RSU1: variants seen among roughly 807,000 people sequenced by gnomAD.
RSU1 encodes Ras suppressor protein 1.
Under a neutral mutation model 31.1 loss-of-function variants are expected in RSU1, and 26 were observed. The ratio of observed to expected loss-of-function variants is 0.84; its 90% CI spans 0.61 to 1.16. The LOEUF is 1.16. Among genes scored for constraint, RSU1 ranks in the 50% most tolerant of loss-of-function variants. The pLI, the probability that RSU1 is intolerant of heterozygous loss-of-function variation, is 0.00. For synonymous variants in RSU1, 164 were observed against 136.3 expected (o/e 1.20, Z -1.41); for missense variants, 320 against 339.1 (o/e 0.94, Z 0.44).
At chr10:16,808,982 G>A (rs1009861235) in intron 2 of RSU1, among the ~76,000 whole-genome samples, 1 of 152,180 alleles carries the variant, frequency 6.6e-6, no homozygotes, top group Non-Finnish European at 1.5e-5. Flanking sequence ...CAGCCCTGCT[G>A]ACACTATGAT....
intron 7 of RSU1, among the ~76,000 whole-genome samples, chr10:16,696,230 A>G (rs939882405): frequency 1.3e-5 from 2 of 152,182 alleles, no homozygotes; most frequent in African/African-American, 4.8e-5. Flanking sequence ...CTAAGACACA[A>G]CCGAAGTTAC....
intron 8 of RSU1, among the ~76,000 whole-genome samples, chr10:16,611,817 G>A (rs748192849): frequency 2.6e-5 from 4 of 152,180 alleles, no homozygotes; most frequent in South Asian, 4.1e-4. Flanking sequence ...TCCAGAGAGC[G>A]AGAGAGAGTG....
intron 3 of RSU1, among the ~76,000 whole-genome samples, chr10:16,780,611 G>T (rs372475041): frequency 1.8e-4 from 27 of 152,144 alleles, no homozygotes; most frequent in African/African-American, 6.5e-4. Context: ...TTGTAACAAT[G>T]GTAAGCTTAG....
Position 16,755,422 on chromosome 10 carries a change from CT to C in RSU1, c.282-434del, listed in dbSNP as rs113316063. On this transcript the variant is annotated intron_variant, in intron 4 of 8. Transcript: ENST00000345264. ...ACAGGCGTGAGCCCCCATGCCCATC[CT>C]TTTTTTTTTTTAATTAAAAAAAGCA... 7.3e-3 allele frequency among the ~76,000 whole-genome samples: 1,052 copies of C among 144,772 alleles called. 6 individuals are homozygous for C. Among genetic ancestry groups the C allele is most frequent in the East Asian group, 0.018 (90 of 5,014 alleles). 95.0% of individuals were successfully genotyped at this position (144,772 alleles called of 152,430 possible). A position where few individuals can be genotyped will look rare whatever the true frequency, so the allele number is the denominator to read the frequency against.
intron 7 of RSU1, among the ~76,000 whole-genome samples, chr10:16,737,365 G>A (rs1476225500): frequency 1.3e-5 from 2 of 151,286 alleles, no homozygotes; most frequent in African/African-American, 4.9e-5. Context: ...ATTTTAAGAG[G>A]CCACAGAAAA....
At chr10:16,641,284 T>C (rs1264370089) in intron 8 of RSU1, among the ~76,000 whole-genome samples, 1 of 152,054 alleles carries the variant, frequency 6.6e-6, no homozygotes, top group African/African-American at 2.4e-5. Flanking sequence ...TTGAAGACTT[T>C]AAAAAGTTTC....
intron 8 of RSU1, among the ~76,000 whole-genome samples, chr10:16,603,246 G>A (rs1183591145): frequency 6.6e-6 from 1 of 152,082 alleles, no homozygotes; most frequent in Non-Finnish European, 1.5e-5. Flanking sequence ...CAGATAGCAA[G>A]CTATATGAAA....
rs56675037 is a variant in RSU1, at chr10:16,661,287, C to CGTGTGTGTGTGTGT, written c.731+33722_731+33735dup. 5.0e-4 allele frequency among the ~76,000 whole-genome samples: 66 copies of CGTGTGTGTGTGTGT among 132,910 alleles called. 1 individual carries two copies. The highest frequency in any genetic ancestry group is 1.7e-3 in the Admixed American group (22 of 13,178). The allele number at this position is 132,910 out of a possible 152,430, so 87.2% of individuals were successfully genotyped here. ...GTGTATGTGTGATATGTAGAGAGTG[C>CGTGTGTGTGTGTGT]GTGTGTGTGTGTGTGTGTGTGTGTG... On this transcript the variant is annotated intron_variant, in intron 8 of 8. Coordinates refer to ENST00000345264, the MANE Select transcript of RSU1 (RefSeq NM_012425.4).
Position 16,739,112 on chromosome 10 carries a change from T to G in RSU1, c.598+13427A>C, listed in dbSNP as rs561446578. Among the ~76,000 whole-genome samples, 4 of 152,320 alleles carry G rather than the reference T, an allele frequency of 2.6e-5. No individual in the cohort carries two copies. In the East Asian group the frequency reaches 7.7e-4, roughly 29 times the overall value. ...ACATTTTCTTTATCCAGTCTATCATTGATGGGCATTTGGGTTGGTTCTAAG... is the reference window on the plus strand; with the variant it reads ...ACATTTTCTTTATCCAGTCTATCATGGATGGGCATTTGGGTTGGTTCTAAG... On this transcript the variant is annotated intron_variant, in intron 7 of 8. Transcript: ENST00000345264.
intron 8 of RSU1, 23 bp from the exon 9 acceptor site, chr10:16,593,519 C>T (rs1564279431): frequency 6.4e-7 from 1 of 1,571,436 alleles, no homozygotes; most frequent in Admixed American, 1.7e-5. Context: ...AGAAAGGACA[C>T]TATCAGATCT....
intron 8 of RSU1, among the ~76,000 whole-genome samples, chr10:16,628,996 C>T (rs531599156): frequency 6.6e-6 from 1 of 152,142 alleles, no homozygotes; most frequent in Non-Finnish European, 1.5e-5. Flanking sequence ...GTCCTCCATT[C>T]CTCATATATT....
intron 7 of RSU1, among the ~76,000 whole-genome samples, chr10:16,708,047 G>A (rs962695906): frequency 3.3e-5 from 5 of 151,842 alleles, no homozygotes; most frequent in Non-Finnish European, 5.9e-5. Context: ...TTTATTTGTC[G>A]GCTCTCTATT....
intron 8 of RSU1, among the ~76,000 whole-genome samples, chr10:16,646,057 TATATACACACACAC>T (rs1471702371): frequency 6.7e-5 from 2 of 29,922 alleles, no homozygotes; most frequent in Non-Finnish European, 1.4e-4. Context: ...TGTGTATATA[TATATACACACACAC>T]ACACACACAC....
At chr10:16,707,570 G>GTT (rs59600318) in intron 7 of RSU1, among the ~76,000 whole-genome samples, 4,090 of 142,024 alleles carry the variant, frequency 0.029, 80 homozygotes, top group East Asian at 0.085. Context: ...TCTTAATCAG[G>GTT]TTTTTTTTTT....
intron 8 of RSU1, among the ~76,000 whole-genome samples, chr10:16,688,945 C>A (rs1835491522): frequency 1.4e-5 from 2 of 147,546 alleles, no homozygotes; most frequent in African/African-American, 2.7e-5. Flanking sequence ...GAGATCAAGG[C>A]TGCAGTGAGC....
chr10:16,655,533 ATAT>A (rs1834762164), intron 8 of RSU1, among the ~76,000 whole-genome samples: 1 of 152,234 alleles, frequency 6.6e-6, no homozygotes, highest in Non-Finnish European at 1.5e-5. Context: ...TGATAATTAT[ATAT>A]TATATACAAT....
intron 2 of RSU1, among the ~76,000 whole-genome samples, chr10:16,803,174 T>C (rs1267321838): frequency 6.6e-6 from 1 of 152,126 alleles, no homozygotes; most frequent in Non-Finnish European, 1.5e-5. Flanking sequence ...CTACAGCAAG[T>C]TTGCAGGATA....
At chr10:16,607,874 G>GT (rs1428329552) in intron 8 of RSU1, among the ~76,000 whole-genome samples, 1 of 152,158 alleles carries the variant, frequency 6.6e-6, no homozygotes, top group African/African-American at 2.4e-5. Context: ...ATTATCGTGA[G>GT]TTTTTTTGAG....
chr10:16,787,595 A>T (rs1274022118), intron 2 of RSU1, among the ~76,000 whole-genome samples: 10 of 152,296 alleles, frequency 6.6e-5, no homozygotes, highest in Admixed American at 3.3e-4. Flanking sequence ...AGATAACTGA[A>T]TCATGGGGAG....
Sources: allele counts gnomAD v4.1 joint callset (sites outside exome capture counted in the v4.1 genomes callset), GRCh38; gene constraint gnomAD v4.1.1; transcripts MANE v1.5; gene names NCBI Gene and HGNC (gene_info 2026-07-23, HGNC 2026-07-21).